Variants in DPP6 observed in about 807,000 individuals in gnomAD.
DPP6 encodes the protein dipeptidyl peptidase like 6, also known as A-type potassium channel modulatory protein DPP6.
In DPP6, 69 loss-of-function variants were observed where a neutral mutation model predicts 122.6. That is an observed-to-expected ratio of 0.56 (90% CI 0.46 to 0.69). The LOEUF is 0.69. Ranked by LOEUF, DPP6 falls within the 30% of genes least tolerant of loss-of-function variation. The probability of loss-of-function intolerance (pLI) is 0.00; values close to 1 mark genes in which losing one functional copy is unlikely to be tolerated. For missense variants in DPP6, 928 were observed against 1,116.9 expected, an observed-to-expected ratio of 0.83 and a Z score of 2.41; for synonymous variants, 418 against 433.1, an observed-to-expected ratio of 0.97 and a Z score of 0.43.
At chr7:154,226,538 G>A (rs1800614943) in intron 1 of DPP6, among the ~76,000 whole-genome samples, 1 of 152,178 alleles carries the variant, frequency 6.6e-6, no homozygotes, top group Non-Finnish European at 1.5e-5. Context: ...ACATTTAATA[G>A]AATTGAAGTG....
chr7:153,908,664 G>A (rs184602240), intron 1 of DPP6, among the ~76,000 whole-genome samples: 3 of 152,180 alleles, frequency 2.0e-5, no homozygotes, highest in East Asian at 1.9e-4. Flanking sequence ...TTCATTATAC[G>A]ATTCCTTATG....
chr7:153,774,446 G>A, the DPP6 span, among the ~76,000 whole-genome samples: 1 of 152,146 alleles, frequency 6.6e-6, no homozygotes, highest in Admixed American at 6.6e-5. Context: ...CATGTTAATC[G>A]ATATGTCAAT....
chr7:153,953,525 G>A (rs145657154), intron 1 of DPP6, among the ~76,000 whole-genome samples: 212 of 152,286 alleles, frequency 1.4e-3, no homozygotes, highest in African/African-American at 4.9e-3. Flanking sequence ...GGACGTAGGG[G>A]ATAAAGAGGG....
intron 1 of DPP6, among the ~76,000 whole-genome samples, chr7:154,367,860 CAGTG>C (rs1812313344): frequency 6.6e-6 from 1 of 152,160 alleles, no homozygotes; most frequent in Non-Finnish European, 1.5e-5. Flanking sequence ...GTCCAGGCGA[CAGTG>C]GGCGCGATCT....
At chr7:154,753,724 C>T (rs1281254953) in intron 8 of DPP6, among the ~76,000 whole-genome samples, 2 of 152,154 alleles carry the variant, frequency 1.3e-5, no homozygotes, top group South Asian at 2.1e-4. Context: ...GGGACAGGAG[C>T]GGTCAGGAGT....
intron 5 of DPP6, among the ~76,000 whole-genome samples, chr7:154,594,209 T>C (rs1051228780): frequency 6.6e-6 from 1 of 152,196 alleles, no homozygotes; most frequent in Non-Finnish European, 1.5e-5. Flanking sequence ...AAGTGGATTA[T>C]GGATGGAAAC....
intron 17 of DPP6, among the ~76,000 whole-genome samples, chr7:154,866,757 T>C (rs1181507765): frequency 6.6e-6 from 1 of 152,232 alleles, no homozygotes; most frequent in East Asian, 1.9e-4. Context: ...TTCAAATGTG[T>C]CCAGCAACTT....
At chr7:154,569,784 T>C (rs993558081) in intron 5 of DPP6, among the ~76,000 whole-genome samples, 2 of 151,806 alleles carry the variant, frequency 1.3e-5, no homozygotes, top group African/African-American at 4.9e-5. Flanking sequence ...AATTATAATC[T>C]CTTCAATCTC....
intron 1 of DPP6, among the ~76,000 whole-genome samples, chr7:153,973,403 G>T (rs1796124196): frequency 1.3e-5 from 2 of 152,212 alleles, no homozygotes; most frequent in Admixed American, 1.3e-4. Flanking sequence ...CAAACATTCA[G>T]TAAAATGCGG....
At chr7:154,157,262 A>G (rs1796731925) in intron 1 of DPP6, among the ~76,000 whole-genome samples, 1 of 152,254 alleles carries the variant, frequency 6.6e-6, no homozygotes, top group African/African-American at 2.4e-5. Flanking sequence ...CCAGTGAGGT[A>G]TCTGCTGCAC....
Position 154,618,643 on chromosome 7 carries a change from C to T in DPP6, c.628-19178C>T, listed in dbSNP as rs529311810. 1.1e-3 allele frequency among the ~76,000 whole-genome samples: 166 copies of T among 152,290 alleles called. No individual in the cohort carries two copies. Among genetic ancestry groups the T allele is most frequent in the African/African-American group, 3.7e-3 (154 of 41,564 alleles). On this transcript the variant is annotated intron_variant, in intron 5 of 25. Coordinates refer to ENST00000377770, the MANE Select transcript of DPP6 (RefSeq NM_130797.4). This position sits in a 1 kb window ranked among gnomAD's most constrained non-coding sequence, Gnocchi z 4.1. ...GATCGCTAGAAGCCGGGGCCACAGCCCAGCTTCCACCCTCCTGATGGGGAC... is the reference window on the plus strand; with the variant it reads ...GATCGCTAGAAGCCGGGGCCACAGCTCAGCTTCCACCCTCCTGATGGGGAC...
the DPP6 span, among the ~76,000 whole-genome samples, chr7:153,827,160 A>G: frequency 6.6e-6 from 1 of 152,220 alleles, no homozygotes; most frequent in African/African-American, 2.4e-5. Context: ...GAATACAAGC[A>G]TGGTAACTTT....
At position 153,964,276 on chromosome 7, in the gene DPP6, G is replaced by A. The variant is rs140572185; in HGVS notation, c.51+76542G>A. Among the ~76,000 whole-genome samples the A allele has an allele frequency of 5.1e-3, 777 of 152,238 alleles. 9 individuals are homozygous for A. The highest frequency in any genetic ancestry group is 0.017 in the African/African-American group (725 of 41,512). Reference sequence around the variant, plus strand: ...CTCCCAAAGTGCTGAGATTACAGGCGTGAGCCACTGTGCCCAGCCTGAGTT... The same window carrying A: ...CTCCCAAAGTGCTGAGATTACAGGCATGAGCCACTGTGCCCAGCCTGAGTT... On this transcript the variant is annotated intron_variant, in intron 1 of 25. Transcript: ENST00000404039.
At chr7:154,582,823 CCA>C (rs1295881972) in intron 5 of DPP6, among the ~76,000 whole-genome samples, 22 of 152,216 alleles carry the variant, frequency 1.4e-4, no homozygotes, top group Admixed American at 1.4e-3. Context: ...CGTGTGTCTC[CCA>C]CAGAGTGGAA....
intron 8 of DPP6, among the ~76,000 whole-genome samples, chr7:154,732,247 C>T (rs754384847): frequency 8.6e-5 from 13 of 151,992 alleles, no homozygotes; most frequent in African/African-American, 1.7e-4. Flanking sequence ...GGGGTTTCAC[C>T]GTGTTAGCCA....
chr7:154,302,097 A>C (rs1263623824), intron 1 of DPP6, among the ~76,000 whole-genome samples: 1 of 152,156 alleles, frequency 6.6e-6, no homozygotes, highest in African/African-American at 2.4e-5. Context: ...AGTTATCTGT[A>C]GGTACAAGGT....
At chr7:154,831,294 T>C (rs1800609993) in intron 16 of DPP6, among the ~76,000 whole-genome samples, 1 of 152,222 alleles carries the variant, frequency 6.6e-6, no homozygotes, top group Non-Finnish European at 1.5e-5. Flanking sequence ...TGATGAGATC[T>C]TCAATCACCG....
chr7:153,879,790 T>C, the DPP6 span, among the ~76,000 whole-genome samples: 4 of 152,156 alleles, frequency 2.6e-5, no homozygotes. Flanking sequence ...CTTTTTGTAT[T>C]CTAGTTTAAT....
Position 154,828,436 on chromosome 7 carries a change from G to T in DPP6, c.1666+21324G>T, listed in dbSNP as rs535773425. On this transcript the variant is annotated intron_variant, in intron 16 of 25. Coordinates refer to ENST00000377770, the MANE Select transcript of DPP6 (RefSeq NM_130797.4). ...AAAGTGCTCTTCCCTGTCACCAAGC[G>T]TGCAGCCACCGGCAAATGACAAAGT... is the stretch of plus-strand genomic sequence containing the variant. 5.0e-4 allele frequency among the ~76,000 whole-genome samples: 76 copies of T among 152,194 alleles called. No individual in the cohort carries two copies. In the South Asian group the frequency reaches 0.011, roughly 23 times the overall value.
Sources: gnomAD v4.1 joint callset for allele counts (sites outside exome capture counted in the v4.1 genomes callset) on GRCh38, gnomAD v4.1.1 for gene constraint, Gnocchi (gnomAD v3.1) non-coding constraint, MANE v1.5 for transcripts, NCBI Gene and HGNC (gene_info 2026-07-23, HGNC 2026-07-21) for gene names.